CSNK1G1: variants seen among roughly 807,000 people sequenced by gnomAD.
CSNK1G1 encodes the protein casein kinase I isoform gamma-1.
In CSNK1G1, 22 loss-of-function variants were observed where a neutral mutation model predicts 59.6. The observed-to-expected ratio is 0.37, with a 90% CI of 0.26 to 0.53. The LOEUF (loss-of-function observed/expected upper bound fraction) is 0.53, where lower values mean the gene tolerates loss of function less well. CSNK1G1 is among the 20% of genes least tolerant of loss of function. CSNK1G1 has a pLI of 0.89. For synonymous variants in CSNK1G1, 179 were observed against 177.1 expected, an observed-to-expected ratio of 1.01 and a Z score of -0.08; for missense variants, 384 against 519.5, an observed-to-expected ratio of 0.74 and a Z score of 2.54.
At chr15:64,271,150 G>A (rs1437064764) in intron 2 of CSNK1G1, among the ~76,000 whole-genome samples, 1 of 151,906 alleles carries the variant, frequency 6.6e-6, no homozygotes, top group Admixed American at 6.6e-5. Flanking sequence ...ACCACACCTA[G>A]CTAATTTTTG....
At chr15:64,206,856 G>A (rs1235053876) in intron 7 of CSNK1G1, among the ~76,000 whole-genome samples, 1 of 152,164 alleles carries the variant, frequency 6.6e-6, no homozygotes, top group Admixed American at 6.5e-5. Context: ...CTTAAACCTG[G>A]ATTTTCATTT....
At chr15:64,183,184 G>A (rs1447585316) in intron 10 of CSNK1G1, among the ~76,000 whole-genome samples, 7 of 152,064 alleles carry the variant, frequency 4.6e-5, no homozygotes, top group Admixed American at 1.3e-4. Context: ...TGCTCACAGC[G>A]TTTCACATGG....
Position 64,231,270 on chromosome 15 carries a change from G to A in CSNK1G1, c.293-14557C>T, listed in dbSNP as rs146861717. 6.8e-3 allele frequency among the ~76,000 whole-genome samples: 1,018 copies of A among 149,472 alleles called. 15 individuals carry two copies. The highest frequency in any genetic ancestry group is 0.023 in the African/African-American group (937 of 41,032). Reference sequence around the variant, plus strand: ...GAGCCCAGGAGGTTGAGGCTGCAGTGAGCTGTGATGACACCACTGCACTTC... The same window carrying A: ...GAGCCCAGGAGGTTGAGGCTGCAGTAAGCTGTGATGACACCACTGCACTTC... On this transcript the variant is annotated intron_variant, in intron 4 of 11. Transcript: ENST00000303052.
chr15:64,286,510 TTATCTTA>T (rs1177760651), intron 2 of CSNK1G1, among the ~76,000 whole-genome samples: 1 of 152,032 alleles, frequency 6.6e-6, no homozygotes, highest in East Asian at 1.9e-4. Flanking sequence ...TATAAGCTAA[TTATCTTA>T]TATATTTCTT....
intron 10 of CSNK1G1, among the ~76,000 whole-genome samples, chr15:64,184,658 C>T (rs1431397447): frequency 2.2e-5 from 3 of 134,096 alleles, no homozygotes; most frequent in Non-Finnish European, 4.7e-5. Context: ...GCCTGGACAA[C>T]AATGCGAAAC....
At chr15:64,250,087 TAAC>T (rs1891992387) in intron 4 of CSNK1G1, among the ~76,000 whole-genome samples, 1 of 152,268 alleles carries the variant, frequency 6.6e-6, no homozygotes, top group East Asian at 1.9e-4. Context: ...TAGAATAACT[TAAC>T]AACATTATAA....
intron 2 of CSNK1G1, among the ~76,000 whole-genome samples, chr15:64,285,078 GA>G (rs1331623974): frequency 2.0e-5 from 3 of 151,978 alleles, no homozygotes; most frequent in African/African-American, 4.8e-5. Flanking sequence ...TACAGAGGAA[GA>G]TACATTTCTT....
chr15:64,277,716 G>A (rs866372753), intron 2 of CSNK1G1, among the ~76,000 whole-genome samples: 1 of 120,570 alleles, frequency 8.3e-6, no homozygotes, highest in African/African-American at 3.4e-5. Context: ...TATTAATATT[G>A]ATATATTTAA....
At chr15:64,311,795 G>C (rs1161144169) in intron 1 of CSNK1G1, among the ~76,000 whole-genome samples, 2 of 151,698 alleles carry the variant, frequency 1.3e-5, no homozygotes, top group African/African-American at 4.8e-5. Flanking sequence ...CACGGGAATT[G>C]CTTGAACCTG....
In CSNK1G1 at chr15:64,188,268, C is replaced by T; in HGVS notation, c.1108-7814G>A. 1 of 725,386 alleles carries T rather than the reference C, an allele frequency of 1.4e-6. No individual in the cohort carries two copies. Among genetic ancestry groups the T allele is most frequent in the South Asian group, 1.9e-5 (1 of 51,980 alleles). 44.9% of individuals were successfully genotyped at this position (725,386 alleles called of 1,614,324 possible). On this transcript the variant is annotated intron_variant, in intron 10 of 11. Coordinates refer to ENST00000303052, the MANE Select transcript of CSNK1G1 (RefSeq NM_022048.5). This position sits in a 1 kb window ranked among gnomAD's most constrained non-coding sequence, Gnocchi z 4.2. ...AAATCTACAGAGATATTCAATTAGC[C>T]CTTCCTGTAAGCTTCCTTTCTAAGG...
intron 4 of CSNK1G1, among the ~76,000 whole-genome samples, chr15:64,228,146 C>T (rs939915860): frequency 2.0e-5 from 3 of 152,150 alleles, no homozygotes; most frequent in African/African-American, 7.2e-5. Flanking sequence ...TCCACAAACA[C>T]TATCTTTTCA....
At chr15:64,346,418 G>C (rs1049831998) in intron 1 of CSNK1G1, among the ~76,000 whole-genome samples, 4 of 139,256 alleles carry the variant, frequency 2.9e-5, no homozygotes, top group African/African-American at 1.1e-4. Flanking sequence ...GTTTGGAAAC[G>C]AGTTTTTATT....
chr15:64,251,961 T>C (rs904346054), intron 3 of CSNK1G1, among the ~76,000 whole-genome samples: 1 of 152,204 alleles, frequency 6.6e-6, no homozygotes, highest in Non-Finnish European at 1.5e-5. Context: ...TTCATGGTTT[T>C]ATTATTTTTA....
chr15:64,324,564 C>G (rs1228029723), intron 1 of CSNK1G1, among the ~76,000 whole-genome samples: 1 of 152,228 alleles, frequency 6.6e-6, no homozygotes, highest in Non-Finnish European at 1.5e-5. Context: ...GGCCTTCGGC[C>G]ACAGACTGGA....
intron 1 of CSNK1G1, among the ~76,000 whole-genome samples, chr15:64,308,527 T>C (rs2140417209): frequency 6.6e-6 from 1 of 152,314 alleles, no homozygotes; most frequent in East Asian, 1.9e-4. Flanking sequence ...TTGTACTCAT[T>C]CTATGATTTC....
rs771823016 is a variant in CSNK1G1 at position 64,170,564 on chromosome 15, T to C, written c.*1367A>G. 6.6e-6 allele frequency: 1 copy of C among 152,654 alleles called. No individual in the cohort carries two copies. The highest frequency in any genetic ancestry group is 2.1e-4 in the South Asian group (1 of 4,832). The allele number at this position is 152,654 out of a possible 1,614,324, so 9.5% of individuals were successfully genotyped here. ...GCTACAGCTCAGCTATTGGGGCAGATAGGATACACCGATTTTCTTTTCCTG... is the reference window on the plus strand; with the variant it reads ...GCTACAGCTCAGCTATTGGGGCAGACAGGATACACCGATTTTCTTTTCCTG... On this transcript the variant is annotated 3_prime_UTR_variant, in exon 12 of 12. Transcript: ENST00000303052.
rs1161382691 is a variant in CSNK1G1, at chr15:64,166,556, ACAC to A, written c.*5372_*5374del. 6.5e-6 allele frequency: 1 copy of A among 152,708 alleles called. No homozygotes were observed. The highest frequency in any genetic ancestry group is 1.5e-5 in the Non-Finnish European group (1 of 68,172). The allele number at this position is 152,708 out of a possible 1,614,324, so 9.5% of individuals were successfully genotyped here. On this transcript the variant is annotated 3_prime_UTR_variant, in exon 12 of 12. Transcript: ENST00000303052. The surrounding 1 kb of genome is among the most constrained non-coding windows in gnomAD (Gnocchi z 4.5). The stretch of plus-strand genomic sequence containing the variant: ...AACACACGCACTCACGTGCGCACAC[ACAC>A]CACACACACACACAGACACGCAGTC...
At chr15:64,280,012 T>G (rs759820799) in intron 2 of CSNK1G1, among the ~76,000 whole-genome samples, 4 of 150,662 alleles carry the variant, frequency 2.7e-5, no homozygotes, top group Non-Finnish European at 5.9e-5. Context: ...AAAATATCCA[T>G]AAACAAAATG....
chr15:64,327,401 C>A (rs202169204), intron 1 of CSNK1G1, among the ~76,000 whole-genome samples: 9 of 150,336 alleles, frequency 6.0e-5, no homozygotes, highest in South Asian at 4.3e-4. Context: ...GAGGCACTCC[C>A]CAGCAGGGGC....
Sources: allele counts gnomAD v4.1 joint callset (sites outside exome capture counted in the v4.1 genomes callset), GRCh38; gene constraint gnomAD v4.1.1; non-coding constraint Gnocchi (gnomAD v3.1); transcripts MANE v1.5; gene names NCBI Gene and HGNC (gene_info 2026-07-23, HGNC 2026-07-21).